FBXO31: variants seen among roughly 807,000 people sequenced by gnomAD.
FBXO31 encodes the protein F-box protein 31.
A neutral mutation model predicts 54.4 loss-of-function variants in FBXO31; 24 were observed. The ratio of observed to expected loss-of-function variants is 0.44; its 90% CI spans 0.32 to 0.62. The LOEUF is 0.62. Among genes scored for constraint, FBXO31 ranks in the 20% least tolerant of loss-of-function variants. The probability of loss-of-function intolerance (pLI) is 0.05; values close to 1 mark genes in which losing one functional copy is unlikely to be tolerated. For missense variants in FBXO31, 665 were observed against 787.1 expected (o/e 0.84, Z 1.86); for synonymous variants, 388 against 335.6 (o/e 1.16, Z -1.71).
At chr16:87,340,217 G>A (rs1374941508) in intron 5 of FBXO31, among the ~76,000 whole-genome samples, 1 of 152,234 alleles carries the variant, frequency 6.6e-6, no homozygotes. Context: ...AACCCAGGAG[G>A]CGGAGGTTGC....
chr16:87,339,444 G>A (rs997547802), intron 5 of FBXO31, among the ~76,000 whole-genome samples: 2 of 152,200 alleles, frequency 1.3e-5, no homozygotes, highest in East Asian at 3.8e-4. Context: ...CAAGATGAAC[G>A]AAGTGACTGT....
chr16:87,352,855 T>C (rs1013796754), intron 2 of FBXO31, among the ~76,000 whole-genome samples: 1 of 152,200 alleles, frequency 6.6e-6, no homozygotes, highest in African/African-American at 2.4e-5. Context: ...GAGGTTACAC[T>C]TTCTCCTTCC....
intron 1 of FBXO31, among the ~76,000 whole-genome samples, chr16:87,380,350 T>A (rs1185898053): frequency 6.6e-6 from 1 of 152,056 alleles, no homozygotes; most frequent in Non-Finnish European, 1.5e-5. Context: ...GACAAATGAT[T>A]TAAGTCCTTT....
intron 1 of FBXO31, among the ~76,000 whole-genome samples, chr16:87,382,340 C>T (rs1235244591): frequency 1.3e-5 from 2 of 152,190 alleles, no homozygotes; most frequent in South Asian, 4.1e-4. Context: ...TTTTTGACTG[C>T]TGGGGTCTCT....
upstream of FBXO31, among the ~76,000 whole-genome samples, chr16:87,390,320 AACT>A (rs1365526282): frequency 2.0e-5 from 3 of 152,198 alleles, no homozygotes; most frequent in East Asian, 1.9e-4. Flanking sequence ...TGTAATAAAG[AACT>A]ACAACTAACG....
intron 3 of FBXO31, among the ~76,000 whole-genome samples, chr16:87,344,030 C>T (rs1477924621): frequency 1.3e-5 from 2 of 152,236 alleles, no homozygotes; most frequent in Admixed American, 6.5e-5. Flanking sequence ...GGGTGCATCT[C>T]CCAACAGGAA....
chr16:87,370,770 C>A (rs532835990), intron 1 of FBXO31, among the ~76,000 whole-genome samples: 1 of 152,288 alleles, frequency 6.6e-6, no homozygotes, highest in East Asian at 1.9e-4. Context: ...TGGCTGGTGT[C>A]CTACCCGCTT....
Position 87,336,256 on chromosome 16 carries a change from C to A in FBXO31, c.741G>T (p.Arg247=). The change falls in exon 6 of 9, where the codon CGG becomes CGT. Residue 247 remains arginine (R), a synonymous_variant. Transcript: ENST00000311635. The surrounding 1 kb of genome is among the most constrained non-coding windows in gnomAD (Gnocchi z 6.5). ...GCCCCCATTCCTCCCTCAGCCACGTCCGAAACTCCTTCCAAAAGAACACAG... is the reference window on the plus strand; with the variant it reads ...GCCCCCATTCCTCCCTCAGCCACGTACGAAACTCCTTCCAAAAGAACACAG... ...RMSGGRQEEF[R]TWLREEWGRT... is the part of the protein sequence containing the mutation. 1 of 1,614,104 alleles carries A rather than the reference C, an allele frequency of 6.2e-7. No individual in the cohort carries two copies. Among genetic ancestry groups the A allele is most frequent in the Non-Finnish European group, 8.5e-7 (1 of 1,180,024 alleles).
chr16:87,366,780 C>CT (rs1906386409), intron 1 of FBXO31, among the ~76,000 whole-genome samples: 1 of 152,198 alleles, frequency 6.6e-6, no homozygotes, highest in Admixed American at 6.5e-5. Flanking sequence ...GGGCCGGCTG[C>CT]TGGGAGTGTG....
chr16:87,336,116 G>A lies in FBXO31; in HGVS notation c.842+39C>T, dbSNP rs752705384. The A allele has an allele frequency of 3.8e-5, 59 of 1,569,220 alleles. No individual in the cohort carries two copies. Among genetic ancestry groups the A allele is most frequent in the Non-Finnish European group, 5.1e-5 (58 of 1,140,440 alleles). The stretch of plus-strand genomic sequence containing the variant: ...AGGGCTGGTCCCCAGCACACACCAG[G>A]AGAGGGCTACCCCAGCACCGAGCAG... On this transcript the variant is annotated intron_variant, in intron 6 of 8. Coordinates refer to ENST00000311635, the MANE Select transcript of FBXO31 (RefSeq NM_024735.5). The surrounding 1 kb of genome is among the most constrained non-coding windows in gnomAD (Gnocchi z 6.5).
intron 1 of FBXO31, among the ~76,000 whole-genome samples, chr16:87,389,397 A>G: frequency 6.6e-6 from 1 of 152,206 alleles, no homozygotes; most frequent in East Asian, 1.9e-4. Flanking sequence ...ACAACTGTCG[A>G]TGCTACTTCC....
upstream of FBXO31, chr16:87,383,933 G>T (rs1439426658): frequency 6.9e-6 from 2 of 291,014 alleles, no homozygotes; most frequent in Middle Eastern, 1.1e-3. This position sits in a 1 kb window ranked among gnomAD's most constrained non-coding sequence, Gnocchi z 4.9. Context: ...CAGAGACCCC[G>T]CACTGCTGCC....
chr16:87,387,469 A>G (rs554831644), upstream of FBXO31, among the ~76,000 whole-genome samples: 29 of 152,308 alleles, frequency 1.9e-4, no homozygotes, highest in African/African-American at 3.8e-4. Context: ...GCATTTTCCA[A>G]TTGGTTGCCT....
At position 87,336,377 on chromosome 16, in the gene FBXO31, C is replaced by T. The variant is rs1016064488; in HGVS notation, c.733-113G>A. 7.1e-6 allele frequency: 6 copies of T among 843,186 alleles called. No homozygotes were observed. The highest frequency in any genetic ancestry group is 2.1e-5 in the Admixed American group (1 of 47,474). The allele number at this position is 843,186 out of a possible 1,614,324, so 52.2% of individuals were successfully genotyped here. ...TCCTTCTTTGTCAGTGCACAGGCAC[C>T]TGCAGGGCCCTCTTGGTGGGGGAGG... On this transcript the variant is annotated intron_variant, in intron 5 of 8. Coordinates refer to ENST00000311635, the MANE Select transcript of FBXO31 (RefSeq NM_024735.5). This position sits in a 1 kb window ranked among gnomAD's most constrained non-coding sequence, Gnocchi z 6.5.
chr16:87,337,411 GC>G (rs1392300899), intron 5 of FBXO31, among the ~76,000 whole-genome samples: 3 of 152,132 alleles, frequency 2.0e-5, no homozygotes, highest in Non-Finnish European at 2.9e-5. Flanking sequence ...AGCCCACCAG[GC>G]ACTACACAGA....
rs1431002262 is a variant in FBXO31 at position 87,358,684 on chromosome 16, T to A, written c.412+1611A>T. On this transcript the variant is annotated intron_variant, in intron 2 of 8. Coordinates refer to ENST00000311635, the MANE Select transcript of FBXO31 (RefSeq NM_024735.5). This position sits in a 1 kb window ranked among gnomAD's most constrained non-coding sequence, Gnocchi z 4.0. ...TGGAGAGAACAACACTGTGACACGT[T>A]TTCCTTCCATCAGTGGTGCCACCAG... Among the ~76,000 whole-genome samples, 1 of 152,126 alleles carries A rather than the reference T, an allele frequency of 6.6e-6. No homozygotes were observed. Among genetic ancestry groups the A allele is most frequent in the Non-Finnish European group, 1.5e-5 (1 of 68,010 alleles).
In FBXO31 at chr16:87,329,164, T is replaced by C. The variant is rs1904752502; in HGVS notation, c.*2124A>G. On this transcript the variant is annotated 3_prime_UTR_variant, in exon 9 of 9. Transcript: ENST00000311635. ...CTGTGCGGCCAAAAAGGCCTCCCTT[T>C]CCTGGCTGTGTGGCTCTGGCCCTGC... The C allele has an allele frequency of 6.6e-6, 1 of 152,486 alleles. No homozygotes were observed. Among genetic ancestry groups the C allele is most frequent in the Admixed American group, 6.5e-5 (1 of 15,284 alleles). The allele number at this position is 152,486 out of a possible 1,614,324, so 9.4% of individuals were successfully genotyped here.
At chr16:87,365,974 A>G (rs1906350297) in intron 1 of FBXO31, among the ~76,000 whole-genome samples, 1 of 152,176 alleles carries the variant, frequency 6.6e-6, no homozygotes, top group Non-Finnish European at 1.5e-5. Context: ...GGTTGCCGTG[A>G]GCCAAGATTG....
chr16:87,336,324 G>T lies in FBXO31; in HGVS notation c.733-60C>A. ...GACAGGAGGCTGTGAAGAGGCTGCC[G>T]GCTGTGCCGCTGAGAGGACACAGTG... is the stretch of plus-strand genomic sequence containing the variant. On this transcript the variant is annotated intron_variant, in intron 5 of 8. Coordinates refer to ENST00000311635, the MANE Select transcript of FBXO31 (RefSeq NM_024735.5). This position sits in a 1 kb window ranked among gnomAD's most constrained non-coding sequence, Gnocchi z 6.5. The T allele has an allele frequency of 3.4e-6, 5 of 1,490,654 alleles. No homozygotes were observed. The South Asian group carries it at 5.6e-5, about 17-fold the overall frequency. The allele number at this position is 1,490,654 out of a possible 1,614,324, so 92.3% of individuals were successfully genotyped here. A position where few individuals can be genotyped will look rare whatever the true frequency, so the allele number is the denominator to read the frequency against.
Sources: allele counts gnomAD v4.1 joint callset (sites outside exome capture counted in the v4.1 genomes callset), GRCh38; gene constraint gnomAD v4.1.1; non-coding constraint Gnocchi (gnomAD v3.1); transcripts MANE v1.5; gene names NCBI Gene and HGNC (gene_info 2026-07-23, HGNC 2026-07-21).